The following SHB variants were observed in gnomAD, a reference collection of about 807,000 sequenced individuals.
SHB encodes the protein SH2 domain containing adaptor protein B, also known as SH2 domain-containing adapter protein B.
In SHB, 20 loss-of-function variants were observed where a neutral mutation model predicts 52.3. The ratio of observed to expected loss-of-function variants is 0.38; its 90% CI spans 0.27 to 0.56. The LOEUF (loss-of-function observed/expected upper bound fraction) is 0.56, where lower values mean the gene tolerates loss of function less well. Among genes scored for constraint, SHB ranks in the 20% least tolerant of loss-of-function variants. The pLI, the probability that SHB is intolerant of heterozygous loss-of-function variation, is 0.71. For synonymous variants in SHB, 397 were observed against 316.5 expected (o/e 1.25, Z -2.70); for missense variants, 825 against 723.3 (o/e 1.14, Z -1.61).
In SHB at chr9:37,969,154, C is replaced by T. The variant is rs547242351; in HGVS notation, c.1054+5468G>A. Among the ~76,000 whole-genome samples, 9 of 152,288 alleles carry T rather than the reference C, an allele frequency of 5.9e-5. No individual in the cohort carries two copies. The South Asian group carries it at 1.9e-3, about 32-fold the overall frequency. On this transcript the variant is annotated intron_variant, in intron 3 of 5. Transcript: ENST00000377707. ...GTGAGATGAAGGGCATGCGATACCT[C>T]TTGAGGGCTGTGGGGGGATGAGAGC... is the stretch of plus-strand genomic sequence containing the variant.
intron 5 of SHB, among the ~76,000 whole-genome samples, chr9:37,931,697 TTAGAAG>T (rs1267943834): frequency 6.6e-6 from 1 of 152,144 alleles, no homozygotes; most frequent in Non-Finnish European, 1.5e-5. Flanking sequence ...TGTAAGGAAA[TTAGAAG>T]TAGAACTACA....
At chr9:38,050,946 A>G (rs1170956512) in intron 1 of SHB, among the ~76,000 whole-genome samples, 1 of 152,208 alleles carries the variant, frequency 6.6e-6, no homozygotes, top group African/African-American at 2.4e-5. Flanking sequence ...ACTGACTACA[A>G]TCTTTTACTA....
At chr9:37,982,978 C>CCCT (rs570105527) in intron 2 of SHB, among the ~76,000 whole-genome samples, 2 of 151,356 alleles carry the variant, frequency 1.3e-5, no homozygotes, top group Admixed American at 6.6e-5. Flanking sequence ...CTGGTGCCCC[C>CCCT]CCCTCCATCT....
At chr9:38,035,672 A>G (rs1821478144) in intron 1 of SHB, among the ~76,000 whole-genome samples, 1 of 152,112 alleles carries the variant, frequency 6.6e-6, no homozygotes, top group African/African-American at 2.4e-5. Flanking sequence ...ACCTTCCATG[A>G]GTGGATAATC....
chr9:37,999,436 C>A (rs1377168678), intron 2 of SHB, among the ~76,000 whole-genome samples: 1 of 152,198 alleles, frequency 6.6e-6, no homozygotes, highest in Non-Finnish European at 1.5e-5. Flanking sequence ...AAAATGACAG[C>A]TGTTTCAAAT....
intron 3 of SHB, among the ~76,000 whole-genome samples, chr9:37,963,215 A>G (rs2117936373): frequency 6.6e-6 from 1 of 152,330 alleles, no homozygotes. Flanking sequence ...ACGGAGCAAC[A>G]GGACCCAGAG....
At chr9:37,979,712 T>C (rs1260256924) in intron 2 of SHB, among the ~76,000 whole-genome samples, 2 of 151,750 alleles carry the variant, frequency 1.3e-5, no homozygotes, top group African/African-American at 4.8e-5. Flanking sequence ...ACCCCAGCAC[T>C]TTGGGAGGCC....
chr9:37,949,392 CAAAA>C (rs771495216), intron 4 of SHB, among the ~76,000 whole-genome samples: 1 of 50,294 alleles, frequency 2.0e-5, no homozygotes, highest in African/African-American at 7.0e-5. Flanking sequence ...GACTCCATCT[CAAAA>C]AAAAAAAAAA....
chr9:37,932,273 C>CAAAAAA (rs56281324), intron 5 of SHB, among the ~76,000 whole-genome samples: 5 of 56,696 alleles, frequency 8.8e-5, no homozygotes, highest in Admixed American at 2.3e-4. Context: ...AACTCCATCT[C>CAAAAAA]AAAAAAAAAA....
At chr9:38,034,972 C>T (rs1821466252) in intron 1 of SHB, among the ~76,000 whole-genome samples, 1 of 152,332 alleles carries the variant, frequency 6.6e-6, no homozygotes, top group East Asian at 1.9e-4. Flanking sequence ...GCTGGGATTA[C>T]AGGCATGAGC....
chr9:38,045,134 A>C (rs374155178), intron 1 of SHB, among the ~76,000 whole-genome samples: 1 of 152,236 alleles, frequency 6.6e-6, no homozygotes, highest in East Asian at 1.9e-4. Context: ...GGTAAGGGTC[A>C]GCTGGAATGT....
chr9:37,920,482 G>A (rs1832167809), intron 5 of SHB, among the ~76,000 whole-genome samples: 1 of 152,196 alleles, frequency 6.6e-6, no homozygotes, highest in South Asian at 2.1e-4. Flanking sequence ...CTGTGTGGCA[G>A]GGATGGCAAG....
intron 2 of SHB, among the ~76,000 whole-genome samples, chr9:37,982,758 TA>T (rs1421427132): frequency 6.6e-6 from 1 of 151,738 alleles, no homozygotes; most frequent in Non-Finnish European, 1.5e-5. Context: ...AAGATCACGC[TA>T]TTGCACTCCA....
Position 37,973,883 on chromosome 9 carries a change from T to C in SHB, c.1054+739A>G, listed in dbSNP as rs1820621735. The stretch of plus-strand genomic sequence containing the variant: ...GCTCAGCTCGCAGCACTGGGTGGGA[T>C]CAATGGGCCCGCTGAGGGCCAACAG... On this transcript the variant is annotated intron_variant, in intron 3 of 5. Coordinates refer to ENST00000377707, the MANE Select transcript of SHB (RefSeq NM_003028.3). Among the ~76,000 whole-genome samples, 3 of 152,142 alleles carry C rather than the reference T, an allele frequency of 2.0e-5. No homozygotes were observed. In the South Asian group the frequency reaches 6.2e-4, roughly 32 times the overall value.
intron 2 of SHB, among the ~76,000 whole-genome samples, chr9:38,004,534 T>G (rs1821057037): frequency 1.3e-5 from 2 of 152,116 alleles, no homozygotes; most frequent in African/African-American, 4.8e-5. Flanking sequence ...AGGCTAGAGC[T>G]GAAGGCAGGC....
chr9:37,948,280 G>A (rs1181912072), intron 5 of SHB, among the ~76,000 whole-genome samples: 1 of 152,138 alleles, frequency 6.6e-6, no homozygotes, highest in East Asian at 1.9e-4. Context: ...AATTGGCGAC[G>A]ATATGTTCCT....
intron 5 of SHB, among the ~76,000 whole-genome samples, chr9:37,922,771 C>T (rs529628769): frequency 2.4e-4 from 36 of 152,310 alleles, no homozygotes; most frequent in African/African-American, 7.0e-4. Context: ...CCCGTGGGTT[C>T]CCTGGCCCTC....
chr9:38,046,423 A>C (rs926830750), intron 1 of SHB, among the ~76,000 whole-genome samples: 4 of 152,250 alleles, frequency 2.6e-5, no homozygotes, highest in Non-Finnish European at 4.4e-5. Flanking sequence ...GAATACAGGC[A>C]AACAAGAACA....
intron 3 of SHB, among the ~76,000 whole-genome samples, chr9:37,968,039 G>A (rs1157373334): frequency 6.6e-6 from 1 of 152,198 alleles, no homozygotes; most frequent in African/African-American, 2.4e-5. Context: ...CCCATTGCCA[G>A]GCATAACTGG....
Sources: gnomAD v4.1 joint callset for allele counts (sites outside exome capture counted in the v4.1 genomes callset) on GRCh38, gnomAD v4.1.1 for gene constraint, MANE v1.5 for transcripts, NCBI Gene and HGNC (gene_info 2026-07-23, HGNC 2026-07-21) for gene names.